CNTN5: variants seen among roughly 807,000 people sequenced by gnomAD.
The protein encoded by CNTN5 is contactin 5.
In CNTN5, 77 loss-of-function variants were observed where a neutral mutation model predicts 129.1. The ratio of observed to expected loss-of-function variants is 0.60; its 90% CI spans 0.50 to 0.72. CNTN5 has a LOEUF of 0.72. CNTN5 is among the 30% of genes least tolerant of loss of function. The probability of loss-of-function intolerance (pLI) is 0.00; values close to 1 mark genes in which losing one functional copy is unlikely to be tolerated. For synonymous variants in CNTN5, 509 were observed against 465.6 expected (o/e 1.09, Z -1.20); for missense variants, 1,478 against 1,328.8 (o/e 1.11, Z -1.75).
intron 2 of CNTN5, among the ~76,000 whole-genome samples, chr11:99,329,124 T>C (rs1865904701): frequency 6.6e-6 from 1 of 152,130 alleles, no homozygotes; most frequent in Admixed American, 6.6e-5. Context: ...GGTGCATTAA[T>C]ATTTTCCAAG....
chr11:100,352,364 A>T (rs912667727), intron 24 of CNTN5, among the ~76,000 whole-genome samples: 6 of 151,848 alleles, frequency 4.0e-5, no homozygotes, highest in East Asian at 3.9e-4. Context: ...TCATTTTTTT[A>T]AAAAACTATA....
At chr11:99,224,367 T>A (rs1860563622) in intron 1 of CNTN5, among the ~76,000 whole-genome samples, 1 of 152,210 alleles carries the variant, frequency 6.6e-6, no homozygotes, top group African/African-American at 2.4e-5. Flanking sequence ...GTATTTATTA[T>A]ATGGTAGCAC....
At chr11:99,449,162 A>C (rs1944198136) in intron 2 of CNTN5, among the ~76,000 whole-genome samples, 6 of 152,124 alleles carry the variant, frequency 3.9e-5, no homozygotes, top group Admixed American at 3.9e-4. Context: ...GGAATAAAAA[A>C]CTACTCGTTT....
At chr11:99,917,555 A>T (rs965796125) in intron 7 of CNTN5, among the ~76,000 whole-genome samples, 4 of 152,122 alleles carry the variant, frequency 2.6e-5, no homozygotes, top group Non-Finnish European at 5.9e-5. Flanking sequence ...GAAAGAGAAT[A>T]TAACAGGCTT....
Position 99,676,933 on chromosome 11 carries a change from A to G in CNTN5, c.55+120664A>G, listed in dbSNP as rs530160103. Among the ~76,000 whole-genome samples, 28 of 152,260 alleles carry G rather than the reference A, an allele frequency of 1.8e-4. No individual in the cohort carries two copies. The South Asian group carries it at 5.8e-3, about 32-fold the overall frequency. ...GCTTAAAGCTTTCCCCTAACATGCAAGGGTGTTGCTAGGTTATTAAAATAT... is the reference window on the plus strand; with the variant it reads ...GCTTAAAGCTTTCCCCTAACATGCAGGGGTGTTGCTAGGTTATTAAAATAT... On this transcript the variant is annotated intron_variant, in intron 3 of 24. Coordinates refer to ENST00000524871, the MANE Select transcript of CNTN5 (RefSeq NM_014361.4).
At chr11:100,319,337 G>C (rs1306640632) in intron 21 of CNTN5, among the ~76,000 whole-genome samples, 1 of 151,830 alleles carries the variant, frequency 6.6e-6, no homozygotes, top group East Asian at 1.9e-4. Flanking sequence ...ATTTTTAGTA[G>C]GGATCGGGTT....
At chr11:99,886,503 A>G (rs915081516) in intron 6 of CNTN5, among the ~76,000 whole-genome samples, 1 of 152,212 alleles carries the variant, frequency 6.6e-6, no homozygotes, top group Non-Finnish European at 1.5e-5. Flanking sequence ...TCTAATAAGT[A>G]GTCAAAAATG....
chr11:99,485,965 T>C (rs1225184795), intron 2 of CNTN5, among the ~76,000 whole-genome samples: 1 of 152,056 alleles, frequency 6.6e-6, no homozygotes, highest in Non-Finnish European at 1.5e-5. Context: ...TGTCTCTGTT[T>C]CTATACAATA....
intron 3 of CNTN5, among the ~76,000 whole-genome samples, chr11:99,738,156 G>A (rs995278630): frequency 6.6e-6 from 1 of 152,112 alleles, no homozygotes; most frequent in Non-Finnish European, 1.5e-5. Flanking sequence ...TTAACCCCAA[G>A]TACCTCAGAA....
chr11:99,633,385 G>A (rs547795686), intron 3 of CNTN5, among the ~76,000 whole-genome samples: 1 of 152,202 alleles, frequency 6.6e-6, no homozygotes, highest in East Asian at 1.9e-4. Flanking sequence ...GATCTAAAAA[G>A]GAGACATTTC....
In CNTN5 at chr11:99,447,686, G is replaced by A. The variant is rs983984063; in HGVS notation, c.-70-108459G>A. On this transcript the variant is annotated intron_variant, in intron 2 of 24. Transcript: ENST00000524871. ...TAACGCCTGTAATCCCAGCACTTTG[G>A]TAGGCCGAGGTGGGCAGATCACGAG... Among the ~76,000 whole-genome samples, 20 of 152,186 alleles carry A rather than the reference G, an allele frequency of 1.3e-4. No homozygotes were observed. The South Asian group carries it at 1.7e-3, about 13-fold the overall frequency.
At chr11:99,336,136 C>T (rs941791561) in intron 2 of CNTN5, among the ~76,000 whole-genome samples, 4 of 152,108 alleles carry the variant, frequency 2.6e-5, no homozygotes, top group African/African-American at 9.7e-5. Flanking sequence ...ATGTCAACTA[C>T]ATTATTTTAA....
At chr11:99,285,325 T>C (rs1312664801) in intron 1 of CNTN5, among the ~76,000 whole-genome samples, 1 of 152,188 alleles carries the variant, frequency 6.6e-6, no homozygotes, top group Non-Finnish European at 1.5e-5. Context: ...GAAGCAATTT[T>C]ATTGAGTAAA....
intron 7 of CNTN5, among the ~76,000 whole-genome samples, chr11:99,934,749 G>C (rs1178889635): frequency 6.6e-6 from 1 of 151,548 alleles, no homozygotes; most frequent in African/African-American, 2.4e-5. Flanking sequence ...GCTGGGTGTG[G>C]TGGTATGCAC....
chr11:100,278,337 T>C (rs1443238196), intron 18 of CNTN5, among the ~76,000 whole-genome samples: 1 of 152,084 alleles, frequency 6.6e-6, no homozygotes, highest in Non-Finnish European at 1.5e-5. Flanking sequence ...GTTTTTTCTA[T>C]TTCTGTGAAG....
At chr11:99,772,520 G>A (rs1944981286) in intron 3 of CNTN5, among the ~76,000 whole-genome samples, 1 of 151,966 alleles carries the variant, frequency 6.6e-6, no homozygotes, top group African/African-American at 2.4e-5. Context: ...TGGCTGTTAT[G>A]TAATGTGTAC....
chr11:99,259,635 C>T (rs1486709012), intron 1 of CNTN5, among the ~76,000 whole-genome samples: 1 of 151,606 alleles, frequency 6.6e-6, no homozygotes, highest in Non-Finnish European at 1.5e-5. Context: ...AGGACAAGAA[C>T]TGTTGAGTCT....
intron 1 of CNTN5, among the ~76,000 whole-genome samples, chr11:99,025,455 A>G (rs984111488): frequency 2.0e-5 from 3 of 151,840 alleles, no homozygotes; most frequent in Non-Finnish European, 4.4e-5. Flanking sequence ...TAGGATTCTT[A>G]TAGCTGCTAA....
At chr11:99,079,494 G>T (rs1334490713) in intron 1 of CNTN5, among the ~76,000 whole-genome samples, 1 of 152,134 alleles carries the variant, frequency 6.6e-6, no homozygotes, top group East Asian at 1.9e-4. Flanking sequence ...GTGAATCTAT[G>T]GGGCCAAAAG....
Sources: gnomAD v4.1 joint callset for allele counts (sites outside exome capture counted in the v4.1 genomes callset) on GRCh38, gnomAD v4.1.1 for gene constraint, MANE v1.5 for transcripts, NCBI Gene and HGNC (gene_info 2026-07-23, HGNC 2026-07-21) for gene names.